FREM1: variants seen among roughly 807,000 people sequenced by gnomAD.
FREM1 encodes the protein FRAS1-related extracellular matrix protein 1.
In FREM1, 220 loss-of-function variants were observed where a neutral mutation model predicts 210.1. The ratio of observed to expected loss-of-function variants is 1.05; its 90% CI spans 0.94 to 1.17. FREM1 has a LOEUF of 1.17. Among genes scored for constraint, FREM1 ranks in the 50% most tolerant of loss-of-function variants. The pLI is 0.00. For synonymous variants in FREM1, 1,189 were observed against 980.2 expected, an observed-to-expected ratio of 1.21 and a Z score of -3.98; for missense variants, 3,454 against 2,675.5, an observed-to-expected ratio of 1.29 and a Z score of -6.42.
intron 5 of FREM1, among the ~76,000 whole-genome samples, chr9:14,853,609 C>A (rs978641644): frequency 9.9e-5 from 15 of 152,118 alleles, no homozygotes; most frequent in Non-Finnish European, 1.8e-4. Flanking sequence ...CTCTCCCATT[C>A]CCCAAAACCA....
chr9:14,854,382 C>T (rs1486739130), intron 5 of FREM1, among the ~76,000 whole-genome samples: 1 of 151,846 alleles, frequency 6.6e-6, no homozygotes, highest in Non-Finnish European at 1.5e-5. Flanking sequence ...ATTATATGTA[C>T]CTTACAAGAA....
intron 10 of FREM1, among the ~76,000 whole-genome samples, chr9:14,837,337 G>C (rs750423996): frequency 1.3e-5 from 2 of 152,036 alleles, no homozygotes; most frequent in Non-Finnish European, 2.9e-5. Context: ...TTCAGCTTTA[G>C]AGCCCCATTC....
Position 14,869,213 on chromosome 9 carries a change from G to C in FREM1, c.-236C>G. On this transcript the variant is annotated 5_prime_UTR_variant, in exon 2 of 37. The change creates a new upstream start codon in the 5' untranslated region. Transcript: ENST00000380880. Reference sequence around the variant, plus strand: ...TGATCACTCCTGACAACGCCGGCAAGATTAATGGGCTTCCCAAGTGCTTTT... The same window carrying C: ...TGATCACTCCTGACAACGCCGGCAACATTAATGGGCTTCCCAAGTGCTTTT... The C allele has an allele frequency of 2.3e-6, 1 of 431,020 alleles. No homozygotes were observed. Among genetic ancestry groups the C allele is most frequent in the Non-Finnish European group, 4.1e-6 (1 of 241,618 alleles). 26.7% of individuals were successfully genotyped at this position (431,020 alleles called of 1,614,324 possible).
At chr9:14,793,543 T>C (rs1362944808) in intron 21 of FREM1, among the ~76,000 whole-genome samples, 1 of 152,212 alleles carries the variant, frequency 6.6e-6, no homozygotes, top group African/African-American at 2.4e-5. Context: ...GTGGTTTCTA[T>C]AGCTCCTTTA....
rs767465306 is a variant in FREM1, at chr9:14,808,134, C to G, written c.2894G>C (p.Gly965Ala). 1.3e-6 allele frequency: 2 copies of G among 1,580,140 alleles called. No individual in the cohort carries two copies. Among genetic ancestry groups the G allele is most frequent in the Non-Finnish European group, 1.7e-6 (2 of 1,161,764 alleles). Residue 965 changes from glycine (G) to alanine (A), a missense_variant and splice_region_variant, in exon 17 of 37, where the codon GGT (glycine) becomes GCT (alanine). Coordinates refer to ENST00000380880, the MANE Select transcript of FREM1 (RefSeq NM_001379081.2). ...ISEAVTYKHTGGEIGLMPCFD... is the reference protein window; with the variant it reads ...ISEAVTYKHTAGEIGLMPCFD... ...ACAAGGCATCAGGCCAATCTCGCCACCTGGAAGACACAACTATAGCTGAAA... is the reference window on the plus strand; with the variant it reads ...ACAAGGCATCAGGCCAATCTCGCCAGCTGGAAGACACAACTATAGCTGAAA...
chr9:14,875,729 C>T (rs1386144196), intron 1 of FREM1, among the ~76,000 whole-genome samples: 1 of 152,194 alleles, frequency 6.6e-6, no homozygotes, highest in East Asian at 1.9e-4. Context: ...GAACTGCATT[C>T]CTTTGGAGGA....
At chr9:14,906,380 T>G (rs1010627103) in intron 1 of FREM1, among the ~76,000 whole-genome samples, 2 of 152,210 alleles carry the variant, frequency 1.3e-5, no homozygotes, top group African/African-American at 4.8e-5. Flanking sequence ...CTAATGCTTA[T>G]TGGGTAATAT....
At chr9:14,892,188 C>T (rs186470014) in intron 1 of FREM1, among the ~76,000 whole-genome samples, 7 of 152,058 alleles carry the variant, frequency 4.6e-5, no homozygotes, top group African/African-American at 1.7e-4. Flanking sequence ...ACTGAAAAAA[C>T]CCCCCGACCC....
intron 7 of FREM1, among the ~76,000 whole-genome samples, chr9:14,847,908 T>C (rs139519563): frequency 8.5e-5 from 13 of 152,302 alleles, no homozygotes; most frequent in East Asian, 1.9e-4. Context: ...GTAGGATGTA[T>C]AGCCAGAATT....
chr9:14,874,496 CT>C (rs1414668226), intron 1 of FREM1, among the ~76,000 whole-genome samples: 3 of 149,500 alleles, frequency 2.0e-5, no homozygotes, highest in Non-Finnish European at 3.0e-5. Context: ...CAACCCCTGC[CT>C]TTTTTTGTTT....
intron 1 of FREM1, among the ~76,000 whole-genome samples, chr9:14,870,041 G>C (rs1044041377): frequency 2.0e-5 from 3 of 152,112 alleles, no homozygotes; most frequent in African/African-American, 7.2e-5. Context: ...GAAATGAAAA[G>C]ATTTTATCTA....
rs1356940955 is a variant in FREM1 at position 14,902,703 on chromosome 9, T to G, written c.-268+7211A>C. Among the ~76,000 whole-genome samples the G allele has an allele frequency of 2.6e-5, 4 of 152,052 alleles. No homozygotes were observed. The East Asian group carries it at 7.7e-4, about 29-fold the overall frequency. ...AAGACAAAATTGGTTCCATCTGAGG[T>G]TTTTGAAAGATTCTGTAAAAGTGCA... On this transcript the variant is annotated intron_variant, in intron 1 of 36. Transcript: ENST00000380880.
intron 10 of FREM1, among the ~76,000 whole-genome samples, chr9:14,825,529 A>G (rs1336902449): frequency 2.7e-5 from 1 of 36,500 alleles, no homozygotes; most frequent in African/African-American, 5.5e-5. Context: ...ATACATATAT[A>G]TATATATGTG....
rs867761682 is a variant in FREM1, at chr9:14,876,411, G to A, written c.-267-7167C>T. On this transcript the variant is annotated intron_variant, in intron 1 of 36. Coordinates refer to ENST00000380880, the MANE Select transcript of FREM1 (RefSeq NM_001379081.2). ...GCGCCCCTCCCCCAGCCTCGCTGCC[G>A]CCTTGCAGTTTGATCTTAGACTGCT... 7.1e-3 allele frequency among the ~76,000 whole-genome samples: 1,084 copies of A among 152,142 alleles called. 10 individuals carry two copies. The highest frequency in any genetic ancestry group is 0.025 in the African/African-American group (1,025 of 41,506).
chr9:14,892,012 C>T (rs1836904636), intron 1 of FREM1, among the ~76,000 whole-genome samples: 1 of 152,140 alleles, frequency 6.6e-6, no homozygotes, highest in African/African-American at 2.4e-5. Context: ...TCTTAATTAA[C>T]TTGCTTTCAC....
At chr9:14,825,616 C>G (rs937088457) in intron 10 of FREM1, among the ~76,000 whole-genome samples, 6 of 145,330 alleles carry the variant, frequency 4.1e-5, no homozygotes, top group African/African-American at 1.5e-4. Context: ...AGAATGGGCA[C>G]ATAAAACACA....
intron 20 of FREM1, among the ~76,000 whole-genome samples, chr9:14,800,811 G>A (rs1817129912): frequency 6.6e-6 from 1 of 152,100 alleles, no homozygotes; most frequent in Non-Finnish European, 1.5e-5. Flanking sequence ...AGAGACAAAT[G>A]AATAAAGTAG....
chr9:14,871,665 C>A (rs905000015), intron 1 of FREM1, among the ~76,000 whole-genome samples: 1 of 152,098 alleles, frequency 6.6e-6, no homozygotes, highest in Admixed American at 6.6e-5. Flanking sequence ...TTAATTAGAT[C>A]CCATTTGTCA....
intron 1 of FREM1, among the ~76,000 whole-genome samples, chr9:14,895,073 G>A (rs575988504): frequency 3.9e-4 from 60 of 152,272 alleles, no homozygotes; most frequent in African/African-American, 1.4e-3. Context: ...GGTTATCTTG[G>A]GACCTCAGGA....
Sources: allele counts gnomAD v4.1 joint callset (sites outside exome capture counted in the v4.1 genomes callset), GRCh38; gene constraint gnomAD v4.1.1; transcripts MANE v1.5; gene names NCBI Gene and HGNC (gene_info 2026-07-23, HGNC 2026-07-21).